BMPR1B: variants seen among roughly 807,000 people sequenced by gnomAD.
The protein encoded by BMPR1B is bone morphogenetic protein receptor type-1B.
In BMPR1B, 12 loss-of-function variants were observed where a neutral mutation model predicts 59.1. The observed-to-expected ratio is 0.20, with a 90% CI of 0.13 to 0.33. The LOEUF (loss-of-function observed/expected upper bound fraction) is 0.33. Ranked by LOEUF, BMPR1B falls within the 10% of genes least tolerant of loss-of-function variation. The probability of loss-of-function intolerance (pLI) is 1.00; values close to 1 mark genes in which losing one functional copy is unlikely to be tolerated. For missense variants in BMPR1B, 550 were observed against 610.9 expected (o/e 0.90, Z 1.05); for synonymous variants, 237 against 207.3 (o/e 1.14, Z -1.23).
At chr4:94,919,208 A>G (rs1728599060) in intron 2 of BMPR1B, among the ~76,000 whole-genome samples, 1 of 152,188 alleles carries the variant, frequency 6.6e-6, no homozygotes, top group Non-Finnish European at 1.5e-5. Flanking sequence ...CCATACGCAG[A>G]CGTGCACTGC....
intron 1 of BMPR1B, among the ~76,000 whole-genome samples, chr4:94,825,196 C>A (rs1286053590): frequency 6.6e-6 from 1 of 152,050 alleles, no homozygotes; most frequent in Non-Finnish European, 1.5e-5. Context: ...GCAGCAGATA[C>A]CACTTTCAGC....
chr4:95,127,982 T>C (rs1430900863), intron 8 of BMPR1B, among the ~76,000 whole-genome samples: 1 of 151,810 alleles, frequency 6.6e-6, no homozygotes, highest in Non-Finnish European at 1.5e-5. Flanking sequence ...CCTCCCAGGC[T>C]CAAGCGATCC....
At chr4:95,135,974 A>G (rs1391134414) in intron 10 of BMPR1B, among the ~76,000 whole-genome samples, 1 of 152,150 alleles carries the variant, frequency 6.6e-6, no homozygotes, top group Non-Finnish European at 1.5e-5. Context: ...GTGTTTGCCC[A>G]TTCAGTATGA....
rs144649830 is a variant in BMPR1B at position 95,157,726 on chromosome 4, A to G, written c.*3053A>G. ...GATATTATGGATGATAAAGTACTAA[A>G]TGAAACATAATATTTATTTATAAAA... is the stretch of plus-strand genomic sequence containing the variant. On this transcript the variant is annotated 3_prime_UTR_variant, in exon 13 of 13. Coordinates refer to ENST00000515059, the MANE Select transcript of BMPR1B (RefSeq NM_001203.3). The G allele has an allele frequency of 1.6e-4, 25 of 152,186 alleles. No individual in the cohort carries two copies. The highest frequency in any genetic ancestry group is 5.8e-4 in the African/African-American group (24 of 41,552). The allele number at this position is 152,186 out of a possible 1,614,324, so 9.4% of individuals were successfully genotyped here. A position where few individuals can be genotyped will look rare whatever the true frequency, so the allele number is the denominator to read the frequency against.
chr4:95,091,453 A>G (rs191939987), intron 3 of BMPR1B: 3 of 985,210 alleles, frequency 3.0e-6, no homozygotes, highest in Admixed American at 1.2e-4. Context: ...GTATTAGGCA[A>G]CCACAGTCTG....
intron 1 of BMPR1B, among the ~76,000 whole-genome samples, chr4:94,828,566 A>G (rs1724463837): frequency 6.6e-6 from 1 of 152,218 alleles, no homozygotes; most frequent in Non-Finnish European, 1.5e-5. Flanking sequence ...CAGGGCTTCC[A>G]GTATGTGAAT....
At chr4:95,125,711 C>T (rs561707489) in intron 8 of BMPR1B, among the ~76,000 whole-genome samples, 1 of 152,284 alleles carries the variant, frequency 6.6e-6, no homozygotes, top group South Asian at 2.1e-4. Context: ...ATTAGATGCT[C>T]TTGGAATTTA....
intron 1 of BMPR1B, among the ~76,000 whole-genome samples, chr4:94,788,199 G>GT (rs1292795694): frequency 6.6e-6 from 1 of 152,180 alleles, no homozygotes; most frequent in Non-Finnish European, 1.5e-5. Flanking sequence ...ACAGGACACA[G>GT]TAAGAATTCT....
At chr4:94,995,198 A>G (rs747274052) in intron 2 of BMPR1B, among the ~76,000 whole-genome samples, 1 of 152,128 alleles carries the variant, frequency 6.6e-6, no homozygotes, top group Non-Finnish European at 1.5e-5. Context: ...CTTGGAATCT[A>G]TCCTTAATCT....
chr4:94,984,253 ACTT>A (rs1721264589), intron 2 of BMPR1B, among the ~76,000 whole-genome samples: 1 of 152,166 alleles, frequency 6.6e-6, no homozygotes, highest in Admixed American at 6.5e-5. Context: ...TTTTTGATAA[ACTT>A]CTCAATAGCT....
chr4:94,849,333 A>G (rs556395367), intron 1 of BMPR1B, among the ~76,000 whole-genome samples: 2 of 152,274 alleles, frequency 1.3e-5, no homozygotes, highest in East Asian at 1.9e-4. Flanking sequence ...TGGAGAGTCA[A>G]CGGGTGCCCT....
At chr4:95,132,633 A>G (rs1287039834) in intron 10 of BMPR1B, among the ~76,000 whole-genome samples, 1 of 150,712 alleles carries the variant, frequency 6.6e-6, no homozygotes, top group Non-Finnish European at 1.5e-5. Flanking sequence ...TTTTCCTCTG[A>G]CCTACAACCC....
intron 2 of BMPR1B, among the ~76,000 whole-genome samples, chr4:94,936,857 C>T (rs1476394368): frequency 2.0e-5 from 3 of 152,008 alleles, no homozygotes; most frequent in African/African-American, 4.8e-5. Flanking sequence ...TGTCCCTTAG[C>T]GCAGATCCTC....
intron 2 of BMPR1B, among the ~76,000 whole-genome samples, chr4:94,988,911 G>C (rs890386654): frequency 6.6e-6 from 1 of 151,996 alleles, no homozygotes; most frequent in East Asian, 1.9e-4. Context: ...TTCTAACGAG[G>C]CACATCCTAG....
At chr4:94,810,799 A>C (rs1437063339) in intron 1 of BMPR1B, among the ~76,000 whole-genome samples, 2 of 152,174 alleles carry the variant, frequency 1.3e-5, no homozygotes, top group Non-Finnish European at 2.9e-5. Flanking sequence ...TTGAGTGGCT[A>C]CCTCAGTGTC....
At chr4:94,929,513 C>T (rs371654212) in intron 2 of BMPR1B, among the ~76,000 whole-genome samples, 295 of 152,132 alleles carry the variant, frequency 1.9e-3, no homozygotes, top group Middle Eastern at 0.017. Flanking sequence ...ACTCAGGAGT[C>T]CCTTCTCAAA....
At chr4:95,000,067 T>A (rs1244425058) in intron 3 of BMPR1B, among the ~76,000 whole-genome samples, 2 of 152,206 alleles carry the variant, frequency 1.3e-5, no homozygotes, top group Non-Finnish European at 2.9e-5. Context: ...ATATATGAAA[T>A]ATTGTATATA....
chr4:94,831,141 A>AG (rs1724569206), intron 1 of BMPR1B, among the ~76,000 whole-genome samples: 1 of 149,372 alleles, frequency 6.7e-6, no homozygotes, highest in Non-Finnish European at 1.5e-5. Context: ...CAGGATATGG[A>AG]GGGGAAAGAC....
rs375063277 is a variant in BMPR1B, at chr4:94,902,814, A to G, written c.-113+26914A>G. Reference sequence around the variant, plus strand: ...GCTAATCTCTGCTGTACTCATCTTCACTTTAATGATGGAATGGTTGAGAGT... The same window carrying G: ...GCTAATCTCTGCTGTACTCATCTTCGCTTTAATGATGGAATGGTTGAGAGT... On this transcript the variant is annotated intron_variant, in intron 2 of 12. Transcript: ENST00000515059. 2.6e-5 allele frequency among the ~76,000 whole-genome samples: 4 copies of G among 152,116 alleles called. No individual in the cohort carries two copies. In the South Asian group the frequency reaches 6.2e-4, roughly 24 times the overall value.
Sources: gnomAD v4.1 joint callset for allele counts (sites outside exome capture counted in the v4.1 genomes callset) on GRCh38, gnomAD v4.1.1 for gene constraint, MANE v1.5 for transcripts, NCBI Gene and HGNC (gene_info 2026-07-23, HGNC 2026-07-21) for gene names.